Variants in WAPL observed in about 807,000 individuals in gnomAD.
The protein encoded by WAPL is WAPL cohesin release factor, also known as wings apart-like protein homolog.
WAPL carries 5 observed loss-of-function variants against 121.0 expected under a neutral mutation model. The ratio of observed to expected loss-of-function variants is 0.04; its 90% confidence interval spans 0.02 to 0.09. WAPL has a LOEUF of 0.09. Among genes scored for constraint, WAPL ranks in the 10% least tolerant of loss-of-function variants. The pLI, the probability that WAPL is intolerant of heterozygous loss-of-function variation, is 1.00. For missense variants in WAPL, 999 were observed against 1,410.8 expected, an observed-to-expected ratio of 0.71 and a Z score of 4.68; for synonymous variants, 480 against 481.5, an observed-to-expected ratio of 1.00 and a Z score of 0.04.
At chr10:86,487,799 G>A (rs1001542803) in intron 4 of WAPL, among the ~76,000 whole-genome samples, 3 of 152,272 alleles carry the variant, frequency 2.0e-5, no homozygotes, top group East Asian at 1.9e-4. Flanking sequence ...GGAGGCTGAG[G>A]CAGGAGAATG....
At chr10:86,519,664 C>G (rs1053018131) in intron 1 of WAPL, among the ~76,000 whole-genome samples, 2 of 152,164 alleles carry the variant, frequency 1.3e-5, no homozygotes, top group South Asian at 4.1e-4. Flanking sequence ...TTAAGTACAG[C>G]CTAAACAAAA....
chr10:86,473,984 G>A lies in WAPL; in HGVS notation c.1645-11C>T. 1.9e-6 allele frequency: 3 copies of A among 1,604,728 alleles called. No individual in the cohort carries two copies. The highest frequency in any genetic ancestry group is 2.6e-6 in the Non-Finnish European group (3 of 1,172,050). On this transcript the variant is annotated splice_polypyrimidine_tract_variant and intron_variant, in intron 4 of 18. Coordinates refer to ENST00000298767, the MANE Select transcript of WAPL (RefSeq NM_015045.5). ...AGCTTTTGTGGGTGACTAGAGAAAT[G>A]AGAGAAAGATCAACTGCTTCCATCC...
chr10:86,510,325 G>A (rs941859228), intron 2 of WAPL, among the ~76,000 whole-genome samples: 2 of 152,056 alleles, frequency 1.3e-5, no homozygotes, highest in African/African-American at 4.8e-5. Context: ...CACCCGCCTT[G>A]CCTCCCAAAG....
chr10:86,452,209 T>C, intron 14 of WAPL, 78 bp from the exon 15 acceptor site: 1 of 1,404,594 alleles, frequency 7.1e-7, no homozygotes, highest in Non-Finnish European at 9.6e-7. Flanking sequence ...CAATTTTTAA[T>C]GGCAACTAAA....
At chr10:86,505,777 A>G (rs1444256355) in intron 2 of WAPL, among the ~76,000 whole-genome samples, 1 of 152,226 alleles carries the variant, frequency 6.6e-6, no homozygotes, top group East Asian at 1.9e-4. Flanking sequence ...GGATAGAAAT[A>G]CAATTTCAAA....
chr10:86,443,542 GA>G (rs1849526536), intron 16 of WAPL, 179 bp from the exon 17 acceptor site: 5 of 504,676 alleles, frequency 9.9e-6, no homozygotes, highest in Admixed American at 3.6e-5. Context: ...GGATCCAAAA[GA>G]AAAGCTGAAA....
intron 4 of WAPL, among the ~76,000 whole-genome samples, chr10:86,492,067 A>G (rs1372281587): frequency 6.6e-6 from 1 of 152,162 alleles, no homozygotes; most frequent in Non-Finnish European, 1.5e-5. Context: ...CTGTTTCTAC[A>G]TATTCAACTA....
At chr10:86,492,445 T>C (rs758596659) in intron 4 of WAPL, among the ~76,000 whole-genome samples, 1 of 152,180 alleles carries the variant, frequency 6.6e-6, no homozygotes, top group Non-Finnish European at 1.5e-5. Flanking sequence ...AACTAAATTA[T>C]AAAATGAGAT....
At chr10:86,468,009 T>C (rs912314101) in intron 8 of WAPL, among the ~76,000 whole-genome samples, 3 of 151,854 alleles carry the variant, frequency 2.0e-5, no homozygotes, top group African/African-American at 7.3e-5. Flanking sequence ...GAAACATGTT[T>C]AAAAAAATAA....
chr10:86,500,650 G>T lies in WAPL; in HGVS notation c.593C>A (p.Thr198Asn), dbSNP rs561716502. Residue 198 changes from threonine (T) to asparagine (N), a missense_variant, in exon 3 of 19, where the codon ACT becomes AAT. Transcript: ENST00000298767. Reference sequence around the variant, plus strand: ...TTCCTTGATTTCAGAAGCCACTGTAGTTTCTGCATTGGGTTTCTTAGTACT... The same window carrying T: ...TTCCTTGATTTCAGAAGCCACTGTATTTTCTGCATTGGGTTTCTTAGTACT... ...DDSTKKPNAE[T>N]TVASEIKETN... The T allele has an allele frequency of 1.9e-6, 3 of 1,613,788 alleles. No homozygotes were observed. In the African/African-American group the frequency reaches 4.0e-5, roughly 22 times the overall value.
rs1222308283 is a variant in WAPL, at chr10:86,500,372, T to A, written c.871A>T (p.Thr291Ser). 2 of 1,614,086 alleles carry A rather than the reference T, an allele frequency of 1.2e-6. No individual in the cohort carries two copies. The highest frequency in any genetic ancestry group is 2.7e-5 in the African/African-American group (2 of 74,942). ...GCCCTACAGTACGTCCTACAGTTGG[T>A]TGGCCTAAGAACACTTTGTACAATA... is the stretch of plus-strand genomic sequence containing the variant. ...EDIVQSVLRP[T>S]NCRTYCRANK... Residue 291 changes from threonine to serine, a missense_variant, in exon 3 of 19, where the codon ACC (threonine) becomes TCC (serine). This residue lies in a region of WAPL where 531 missense variants were observed against 563.1 expected (regional missense o/e 0.94). Transcript: ENST00000298767.
chr10:86,500,248 T>C lies in WAPL; in HGVS notation c.995A>G (p.Asp332Gly), dbSNP rs568326932. The part of the protein sequence containing the change: ...LAKANSESSK[D>G]GLNQAKKGGV... ...CCCTTTCTTTGCCTGATTCAGGCCA[T>C]CTTTACTCGATTCACTGTTTGCTTT... The change falls in exon 3 of 19, where the codon GAT (aspartate) becomes GGT (glycine). Residue 332 changes from aspartate to glycine, a missense_variant. Asp to Gly is a moderately conservative substitution (Grantham distance 94). Transcript: ENST00000298767. 8.9e-5 allele frequency: 144 copies of C among 1,614,178 alleles called. 2 individuals carry two copies. The South Asian group carries it at 1.5e-3, about 17-fold the overall frequency.
intron 9 of WAPL, among the ~76,000 whole-genome samples, chr10:86,462,673 AT>A: frequency 7.5e-6 from 1 of 132,574 alleles, no homozygotes; most frequent in East Asian, 2.5e-4. Flanking sequence ...GTGAGCCAAG[AT>A]TTGTGCCACT....
chr10:86,515,224 G>A (rs955342947), intron 2 of WAPL, among the ~76,000 whole-genome samples: 2 of 150,762 alleles, frequency 1.3e-5, no homozygotes, highest in Admixed American at 6.6e-5. Flanking sequence ...TAGCGCCATC[G>A]CACTCCAGCC....
At chr10:86,451,842 G>A in intron 15 of WAPL, 125 bp downstream of exon 15, 1 of 1,047,564 alleles carries the variant, frequency 9.5e-7, no homozygotes, top group Non-Finnish European at 1.4e-6. Context: ...AAAAGGCCGG[G>A]GGAGGGGCAG....
chr10:86,459,487 G>A (rs1841221878), intron 11 of WAPL, among the ~76,000 whole-genome samples: 1 of 152,190 alleles, frequency 6.6e-6, no homozygotes, highest in Non-Finnish European at 1.5e-5. Context: ...ATCTATGCCA[G>A]GAGCTTTTAA....
intron 2 of WAPL, among the ~76,000 whole-genome samples, chr10:86,514,802 T>C (rs1031671648): frequency 6.6e-6 from 1 of 152,236 alleles, no homozygotes; most frequent in African/African-American, 2.4e-5. Context: ...ACTTTATTAA[T>C]ACACTCTGCC....
intron 2 of WAPL, among the ~76,000 whole-genome samples, chr10:86,509,550 A>G (rs1394168423): frequency 6.6e-6 from 1 of 152,246 alleles, no homozygotes; most frequent in African/African-American, 2.4e-5. Flanking sequence ...TGTTTATTCT[A>G]TCTTCCCCAG....
Position 86,484,363 on chromosome 10 carries a change from T to C in WAPL, c.1645-10390A>G, listed in dbSNP as rs138697247. Among the ~76,000 whole-genome samples the C allele has an allele frequency of 1.8e-3, 267 of 152,086 alleles. 1 individual carries two copies. Among genetic ancestry groups the C allele is most frequent in the African/African-American group, 6.1e-3 (253 of 41,476 alleles). Reference sequence around the variant, plus strand: ...ATACAAGATCACCAGGGTGTGGTGATGTCCACCTGTAGTCCCAGCTACTAG... The same window carrying C: ...ATACAAGATCACCAGGGTGTGGTGACGTCCACCTGTAGTCCCAGCTACTAG... On this transcript the variant is annotated intron_variant, in intron 4 of 18. Transcript: ENST00000298767.
Sources: gnomAD v4.1 joint callset for allele counts (sites outside exome capture counted in the v4.1 genomes callset) on GRCh38, gnomAD v4.1.1 for gene constraint, gnomAD v4.1.1 regional missense constraint, MANE v1.5 for transcripts, NCBI Gene and HGNC (gene_info 2026-07-23, HGNC 2026-07-21) for gene names.